AKAP10: variants seen among roughly 807,000 people sequenced by gnomAD.
The protein encoded by AKAP10 is A-kinase anchoring protein 10, also known as A-kinase anchor protein 10, mitochondrial.
AKAP10 carries 24 observed loss-of-function variants against 80.8 expected under a neutral mutation model. The ratio of observed to expected loss-of-function variants is 0.30; its 90% CI spans 0.22 to 0.42. The LOEUF is 0.42. Ranked by LOEUF, AKAP10 falls within the 10% of genes least tolerant of loss-of-function variation. The pLI, the probability that AKAP10 is intolerant of heterozygous loss-of-function variation, is 1.00. For missense variants in AKAP10, 661 were observed against 794.9 expected (o/e 0.83, Z 2.03); for synonymous variants, 291 against 277.7 (o/e 1.05, Z -0.48).
At chr17:19,950,447 T>C (rs572409719) in intron 4 of AKAP10, among the ~76,000 whole-genome samples, 1 of 152,294 alleles carries the variant, frequency 6.6e-6, no homozygotes, top group East Asian at 1.9e-4. Context: ...GTGCCTGGGA[T>C]TGCAGGCGCA....
Position 19,958,391 on chromosome 17 carries a change from G to A in AKAP10, c.500C>T (p.Ser167Leu), listed in dbSNP as rs143828429. The change falls in exon 4 of 15, where the codon TCG becomes TTG. Residue 167 changes from serine to leucine, a missense_variant. Physicochemically the swap from Ser to Leu is moderately radical, Grantham distance 145. Coordinates refer to ENST00000225737, the MANE Select transcript of AKAP10 (RefSeq NM_007202.4). The stretch of plus-strand genomic sequence containing the variant: ...GTTTAGACTGTGTGCTCTTATTCGC[G>A]ACCAAGTTGTTGAATGAAAACTTTC... Reference protein sequence around the residue: ...EAESFHSTTWSRIRAHSLNTV... With the variant: ...EAESFHSTTWLRIRAHSLNTV... The A allele has an allele frequency of 4.2e-5, 68 of 1,614,058 alleles. No homozygotes were observed. The highest frequency in any genetic ancestry group is 2.7e-4 in the African/African-American group (20 of 74,926).
intron 9 of AKAP10, among the ~76,000 whole-genome samples, chr17:19,934,656 G>A (rs2042973734): frequency 6.6e-6 from 1 of 152,152 alleles, no homozygotes; most frequent in Non-Finnish European, 1.5e-5. Context: ...AATCATCAAA[G>A]TAACTTTGAG....
chr17:19,960,985 C>A (rs527361720), intron 3 of AKAP10, among the ~76,000 whole-genome samples: 1 of 151,688 alleles, frequency 6.6e-6, no homozygotes, highest in South Asian at 2.1e-4. Context: ...AAAAATTGGG[C>A]CACTGCACTC....
intron 3 of AKAP10, among the ~76,000 whole-genome samples, chr17:19,961,178 CAAA>C (rs776903538): frequency 5.4e-5 from 3 of 55,482 alleles, no homozygotes; most frequent in African/African-American, 1.2e-4. Context: ...CCCGTCTCTA[CAAA>C]AAAAAAAAAA....
At chr17:19,948,602 A>G (rs1208970199) in intron 4 of AKAP10, among the ~76,000 whole-genome samples, 1 of 152,102 alleles carries the variant, frequency 6.6e-6, no homozygotes, top group African/African-American at 2.4e-5. Context: ...AGTGTGCTGA[A>G]GTATAGGGAA....
chr17:19,958,868 T>G (rs957207754), intron 3 of AKAP10, among the ~76,000 whole-genome samples: 92 of 138,366 alleles, frequency 6.6e-4, no homozygotes, highest in Non-Finnish European at 1.1e-3. Context: ...TTTTTTTTTT[T>G]GAGACTTTTC....
chr17:19,931,043 G>A (rs570956121), intron 10 of AKAP10, among the ~76,000 whole-genome samples: 1 of 152,180 alleles, frequency 6.6e-6, no homozygotes, highest in East Asian at 1.9e-4. Context: ...GCGTGGTGGT[G>A]CATGCCTCTA....
chr17:19,947,552 T>A, intron 4 of AKAP10, 47 bp from the exon 5 acceptor site: 1 of 1,244,142 alleles, frequency 8.0e-7, no homozygotes. Flanking sequence ...CAACTTGGAC[T>A]CCAGTAATGA....
intron 11 of AKAP10, among the ~76,000 whole-genome samples, chr17:19,920,433 A>G (rs2042797262): frequency 6.6e-6 from 1 of 152,234 alleles, no homozygotes; most frequent in African/African-American, 2.4e-5. Flanking sequence ...TTGTAAAAGA[A>G]GCACCCAAAA....
chr17:19,924,551 A>T (rs1348881252), intron 10 of AKAP10, 34 bp from the exon 11 acceptor site: 1 of 1,430,224 alleles, frequency 7.0e-7, no homozygotes, highest in Admixed American at 1.9e-5. Context: ...GAAGTATATG[A>T]AACAATCAGT....
chr17:19,923,329 C>T (rs375570583), intron 11 of AKAP10, among the ~76,000 whole-genome samples: 8 of 152,062 alleles, frequency 5.3e-5, no homozygotes, highest in Admixed American at 2.6e-4. Context: ...CCGCCCGTCT[C>T]GGCCTCCCAA....
At chr17:19,909,339 C>A (rs932678070) in intron 13 of AKAP10, 63 bp from the exon 14 acceptor site, 51 of 1,368,780 alleles carry the variant, frequency 3.7e-5, no homozygotes, top group Admixed American at 7.7e-5. Flanking sequence ...GATGCACATA[C>A]TCAGTGCTCT....
chr17:19,932,043 A>C, intron 9 of AKAP10, 65 bp from the exon 10 acceptor site: 1 of 1,416,770 alleles, frequency 7.1e-7, no homozygotes, highest in Non-Finnish European at 9.5e-7. Flanking sequence ...GTTTTAAATA[A>C]ATAAATTTTA....
intron 1 of AKAP10, among the ~76,000 whole-genome samples, chr17:19,973,244 T>C (rs1218403467): frequency 6.6e-6 from 1 of 152,198 alleles, no homozygotes; most frequent in Non-Finnish European, 1.5e-5. Context: ...CCTCCCAAAG[T>C]GCTGGCCATG....
At chr17:19,925,950 G>A (rs1273895117) in intron 10 of AKAP10, among the ~76,000 whole-genome samples, 3 of 152,166 alleles carry the variant, frequency 2.0e-5, no homozygotes, top group African/African-American at 7.2e-5. Flanking sequence ...ACAGACGGAT[G>A]TATGTCTATC....
chr17:19,949,260 A>T (rs1390951489), intron 4 of AKAP10, among the ~76,000 whole-genome samples: 1 of 152,162 alleles, frequency 6.6e-6, no homozygotes, highest in African/African-American at 2.4e-5. Context: ...AACAAAATTT[A>T]AAATTCACTA....
chr17:19,926,618 T>C (rs910340694), intron 10 of AKAP10, among the ~76,000 whole-genome samples: 1 of 152,242 alleles, frequency 6.6e-6, no homozygotes, highest in Non-Finnish European at 1.5e-5. Context: ...TGTATTTCTA[T>C]GCTCTCTCAT....
intron 8 of AKAP10, among the ~76,000 whole-genome samples, 200 bp downstream of exon 8, chr17:19,939,513 C>T (rs1444881105): frequency 6.6e-6 from 1 of 152,146 alleles, no homozygotes; most frequent in Non-Finnish European, 1.5e-5. Context: ...CTGTTTACCC[C>T]ACATACACCT....
At chr17:19,972,793 T>A (rs1175371957) in intron 1 of AKAP10, among the ~76,000 whole-genome samples, 2 of 152,178 alleles carry the variant, frequency 1.3e-5, no homozygotes, top group African/African-American at 4.8e-5. Flanking sequence ...TTACACAACA[T>A]GGATTATATT....
Sources: gnomAD v4.1 joint callset for allele counts (sites outside exome capture counted in the v4.1 genomes callset) on GRCh38, gnomAD v4.1.1 for gene constraint, MANE v1.5 for transcripts, NCBI Gene and HGNC (gene_info 2026-07-23, HGNC 2026-07-21) for gene names.